The following OPCML variants were observed in gnomAD, a reference collection of about 807,000 sequenced individuals.
OPCML encodes opioid binding protein/cell adhesion molecule like.
Under a neutral mutation model 37.8 loss-of-function variants are expected in OPCML, and 13 were observed. The ratio of observed to expected loss-of-function variants is 0.34; its 90% CI spans 0.22 to 0.55. The LOEUF (loss-of-function observed/expected upper bound fraction) is 0.55, where lower values mean the gene tolerates loss of function less well. Among genes scored for constraint, OPCML ranks in the 20% least tolerant of loss-of-function variants. The pLI, the probability that OPCML is intolerant of heterozygous loss-of-function variation, is 0.91. For synonymous variants in OPCML, 176 were observed against 168.8 expected (o/e 1.04, Z -0.33); for missense variants, 341 against 435.6 (o/e 0.78, Z 1.93).
At chr11:133,363,789 C>T (rs1358496438) in intron 1 of OPCML, among the ~76,000 whole-genome samples, 1 of 151,566 alleles carries the variant, frequency 6.6e-6, no homozygotes, top group Non-Finnish European at 1.5e-5. Flanking sequence ...CCAAGCCGAG[C>T]AAAAGAGGAG....
intron 1 of OPCML, among the ~76,000 whole-genome samples, chr11:133,430,184 A>C (rs1388323529): frequency 6.6e-6 from 1 of 152,242 alleles, no homozygotes; most frequent in East Asian, 1.9e-4. Flanking sequence ...TGGAGATAAT[A>C]ATGGGGAAGG....
intron 4 of OPCML, among the ~76,000 whole-genome samples, chr11:132,463,198 C>T (rs1423825838): frequency 6.6e-6 from 1 of 152,234 alleles, no homozygotes; most frequent in African/African-American, 2.4e-5. Context: ...CATCATTTCA[C>T]GTCTTTCCCT....
chr11:133,151,420 TG>T lies in OPCML; in HGVS notation c.62-208411del, dbSNP rs202186831. On this transcript the variant is annotated intron_variant, in intron 1 of 7. Coordinates refer to ENST00000524381, the MANE Select transcript of OPCML (RefSeq NM_001012393.5). ...TTTGGCTGCTGGAGATGCAGGAAGA[TG>T]GGGGAGGAAGGAAGGAGGAAAAAGA... is the stretch of plus-strand genomic sequence containing the variant. Among the ~76,000 whole-genome samples the T allele has an allele frequency of 5.6e-3, 843 of 151,290 alleles. 6 individuals are homozygous for T. Among genetic ancestry groups the T allele is most frequent in the African/African-American group, 0.019 (783 of 41,128 alleles).
At chr11:133,088,033 A>T (rs1948842992) in intron 1 of OPCML, among the ~76,000 whole-genome samples, 2 of 152,228 alleles carry the variant, frequency 1.3e-5, no homozygotes, top group South Asian at 4.1e-4. Flanking sequence ...TAAGAAGGTA[A>T]GGGTGAGAAA....
chr11:133,348,954 C>A (rs763959425), intron 1 of OPCML, among the ~76,000 whole-genome samples: 1 of 152,138 alleles, frequency 6.6e-6, no homozygotes, highest in Admixed American at 6.5e-5. Flanking sequence ...AAGGATTCAG[C>A]GTGCAGGCCT....
At chr11:133,344,071 C>T (rs1220974153) in intron 1 of OPCML, among the ~76,000 whole-genome samples, 1 of 152,192 alleles carries the variant, frequency 6.6e-6, no homozygotes, top group Non-Finnish European at 1.5e-5. Flanking sequence ...GCAGACTCTC[C>T]ACTCCCACCC....
chr11:132,559,113 GA>G (rs1335943042), intron 3 of OPCML, among the ~76,000 whole-genome samples: 1 of 152,028 alleles, frequency 6.6e-6, no homozygotes, highest in Non-Finnish European at 1.5e-5. Flanking sequence ...GGCAAGGGGA[GA>G]GAGAAAAAGG....
chr11:132,953,143 TTC>T (rs1199415694), intron 1 of OPCML, among the ~76,000 whole-genome samples: 8 of 152,142 alleles, frequency 5.3e-5, no homozygotes, highest in African/African-American at 9.7e-5. Context: ...TGCATGTAAC[TTC>T]TCTGTCTCTC....
At position 132,416,139 on chromosome 11, in the gene OPCML, A is replaced by G. The variant is rs1324152154; in HGVS notation, c.*4054T>C. ...AAATAAATGCATTTTTTCCAAAAAG[A>G]AAAACCTTATGCTGCTTCCCTTAAT... On this transcript the variant is annotated 3_prime_UTR_variant, in exon 8 of 8. Transcript: ENST00000524381. The G allele has an allele frequency of 6.6e-6, 1 of 152,256 alleles. No homozygotes were observed. Among genetic ancestry groups the G allele is most frequent in the Non-Finnish European group, 1.5e-5 (1 of 68,042 alleles). 9.4% of individuals were successfully genotyped at this position (152,256 alleles called of 1,614,324 possible).
intron 1 of OPCML, chr11:133,004,738 A>C (rs1327159533): frequency 8.8e-5 from 87 of 985,252 alleles, no homozygotes; most frequent in Non-Finnish European, 1.0e-4. Context: ...GAAGGTTCAC[A>C]CCGGACGCGT....
chr11:133,207,430 A>C (rs185968905), intron 1 of OPCML, among the ~76,000 whole-genome samples: 1 of 152,208 alleles, frequency 6.6e-6, no homozygotes, highest in Admixed American at 6.5e-5. Context: ...TGTTTCTCCA[A>C]CTAATGAATG....
At chr11:132,804,562 G>A (rs1299513525) in intron 2 of OPCML, among the ~76,000 whole-genome samples, 2 of 150,492 alleles carry the variant, frequency 1.3e-5, no homozygotes, top group Non-Finnish European at 3.0e-5. Flanking sequence ...TTGAAATTTA[G>A]GCCCCGCTAG....
intron 1 of OPCML, chr11:133,117,691 G>T: frequency 1.5e-6 from 1 of 680,776 alleles, no homozygotes; most frequent in Non-Finnish European, 1.8e-6. Flanking sequence ...GACCAGTTTG[G>T]TAATCACTCT....
intron 2 of OPCML, among the ~76,000 whole-genome samples, chr11:132,806,315 G>C (rs1008709763): frequency 6.6e-6 from 1 of 152,090 alleles, no homozygotes; most frequent in African/African-American, 2.4e-5. Context: ...AAAAGGCATA[G>C]ACTAACAGAC....
chr11:132,870,836 CT>C (rs558889733), intron 2 of OPCML, among the ~76,000 whole-genome samples: 131 of 152,230 alleles, frequency 8.6e-4, no homozygotes, highest in Middle Eastern at 3.4e-3. Flanking sequence ...TATCTGGAAT[CT>C]AAAAAAGCTG....
chr11:133,470,101 G>A (rs150910267), intron 1 of OPCML, among the ~76,000 whole-genome samples: 2 of 152,132 alleles, frequency 1.3e-5, no homozygotes, highest in African/African-American at 4.8e-5. Flanking sequence ...CAGAATAATG[G>A]CAAAGACCTC....
chr11:132,741,776 C>A (rs1393125484), intron 2 of OPCML, among the ~76,000 whole-genome samples: 4 of 151,926 alleles, frequency 2.6e-5, no homozygotes, highest in Non-Finnish European at 5.9e-5. Flanking sequence ...CATGTAATCC[C>A]AGCACTTTGG....
chr11:133,073,212 C>T (rs1948568445), intron 1 of OPCML, among the ~76,000 whole-genome samples: 1 of 152,208 alleles, frequency 6.6e-6, no homozygotes, highest in Non-Finnish European at 1.5e-5. Flanking sequence ...CACCTGAGCG[C>T]TCCCAAGTTT....
At chr11:132,676,825 G>A (rs150497100) in intron 2 of OPCML, among the ~76,000 whole-genome samples, 1,464 of 143,900 alleles carry the variant, frequency 0.01, 16 homozygotes, top group African/African-American at 0.024. Context: ...GAAAAAAGAA[G>A]ATAACTAGGG....
Sources: allele counts gnomAD v4.1 joint callset (sites outside exome capture counted in the v4.1 genomes callset), GRCh38; gene constraint gnomAD v4.1.1; transcripts MANE v1.5; gene names NCBI Gene and HGNC (gene_info 2026-07-23, HGNC 2026-07-21).